The following RFTN2 variants were observed in gnomAD, a reference collection of about 807,000 sequenced individuals.
The protein encoded by RFTN2 is raftlin family member 2, also known as raftlin-2.
RFTN2 carries 34 observed loss-of-function variants against 52.7 expected under a neutral mutation model. The observed-to-expected ratio is 0.64, with a 90% CI of 0.49 to 0.86. The LOEUF is 0.86. Ranked by LOEUF, RFTN2 falls within the 40% of genes least tolerant of loss-of-function variation. The pLI, the probability that RFTN2 is intolerant of heterozygous loss-of-function variation, is 0.00. For missense variants in RFTN2, 536 were observed against 600.1 expected, an observed-to-expected ratio of 0.89 and a Z score of 1.12; for synonymous variants, 203 against 217.7, an observed-to-expected ratio of 0.93 and a Z score of 0.59.
intron 5 of RFTN2, among the ~76,000 whole-genome samples, chr2:197,618,685 G>A (rs1459561991): frequency 6.6e-6 from 1 of 151,250 alleles, no homozygotes; most frequent in African/African-American, 2.4e-5. Flanking sequence ...AGTGAGGAGC[G>A]TCTCTGCCCG....
Position 197,633,788 on chromosome 2 carries a change from A to T in RFTN2, c.648T>A (p.His216Gln). ...CCATTTGATACTGTCCACTTTCATG[A>T]TGAAGTTCTTCCTCAATTCCGCTTT... ...SSESGIEEEL[H>Q]HESGQYQMEQ... is the part of the protein sequence containing the mutation. Residue 216 changes from histidine to glutamine, a missense_variant, in exon 4 of 9, where the codon CAT (histidine) becomes CAA (glutamine). Physicochemically the swap from His to Gln is conservative, Grantham distance 24. Coordinates refer to ENST00000295049, the MANE Select transcript of RFTN2 (RefSeq NM_144629.3). 1 of 1,613,892 alleles carries T rather than the reference A, an allele frequency of 6.2e-7. No individual in the cohort carries two copies. Among genetic ancestry groups the T allele is most frequent in the African/African-American group, 1.3e-5 (1 of 75,046 alleles).
At chr2:197,618,844 G>A (rs1007408139) in intron 5 of RFTN2, among the ~76,000 whole-genome samples, 17 of 150,742 alleles carry the variant, frequency 1.1e-4, no homozygotes, top group African/African-American at 3.9e-4. Context: ...GAGCCCCTCC[G>A]CCCGGCAGCC....
chr2:197,636,078 T>C (rs1423749754), intron 3 of RFTN2, among the ~76,000 whole-genome samples: 1 of 151,412 alleles, frequency 6.6e-6, no homozygotes, highest in Non-Finnish European at 1.5e-5. Context: ...GAGGGCTCTG[T>C]TCTGTTCCAT....
At chr2:197,577,849 G>A (rs2087444024) in intron 8 of RFTN2, among the ~76,000 whole-genome samples, 1 of 152,178 alleles carries the variant, frequency 6.6e-6, no homozygotes, top group South Asian at 2.1e-4. Flanking sequence ...CTCCAGAGTA[G>A]CTGGGATTAC....
At position 197,637,417 on chromosome 2, in the gene RFTN2, C is replaced by G. The variant is rs1432525675; in HGVS notation, c.439-3420G>C. Among the ~76,000 whole-genome samples the G allele has an allele frequency of 2.0e-5, 3 of 151,294 alleles. No individual in the cohort carries two copies. The East Asian group carries it at 5.8e-4, about 29-fold the overall frequency. On this transcript the variant is annotated intron_variant, in intron 3 of 8. Transcript: ENST00000295049. ...CTATTGATTATTGCCACAATTTCAGCTCCTGTTATTGGTCTATTCAGAGAT... is the reference window on the plus strand; with the variant it reads ...CTATTGATTATTGCCACAATTTCAGGTCCTGTTATTGGTCTATTCAGAGAT...
At chr2:197,598,922 C>T (rs563280189) in intron 7 of RFTN2, among the ~76,000 whole-genome samples, 4 of 152,154 alleles carry the variant, frequency 2.6e-5, no homozygotes, top group South Asian at 4.1e-4. Context: ...TTTCTGGAAG[C>T]ATCCTTGATG....
intron 7 of RFTN2, among the ~76,000 whole-genome samples, chr2:197,608,140 G>A (rs1383276749): frequency 6.6e-6 from 1 of 152,132 alleles, no homozygotes; most frequent in Non-Finnish European, 1.5e-5. Flanking sequence ...TGAAGATTGA[G>A]ATTGAGATTG....
chr2:197,609,573 T>A (rs775568735), intron 7 of RFTN2, among the ~76,000 whole-genome samples: 20 of 152,174 alleles, frequency 1.3e-4, no homozygotes, highest in Non-Finnish European at 2.8e-4. Context: ...TTTCTCCCAA[T>A]CTGTAAGTTG....
chr2:197,586,077 G>A (rs1433716124), intron 8 of RFTN2, among the ~76,000 whole-genome samples: 4 of 152,166 alleles, frequency 2.6e-5, no homozygotes, highest in Non-Finnish European at 5.9e-5. Flanking sequence ...CCGTATTACA[G>A]ATAAGCCCTC....
intron 6 of RFTN2, among the ~76,000 whole-genome samples, chr2:197,616,572 G>A (rs1293985517): frequency 4.6e-5 from 7 of 152,044 alleles, no homozygotes; most frequent in African/African-American, 9.7e-5. Flanking sequence ...GGTTACAGAC[G>A]TGAGCCACTG....
chr2:197,631,679 G>T (rs1397256407), intron 4 of RFTN2, among the ~76,000 whole-genome samples: 1 of 152,090 alleles, frequency 6.6e-6, no homozygotes, highest in African/African-American at 2.4e-5. Context: ...CAATGTTCTA[G>T]TCTCCTTTTG....
chr2:197,581,146 T>C (rs2087501750), intron 8 of RFTN2, among the ~76,000 whole-genome samples: 1 of 152,168 alleles, frequency 6.6e-6, no homozygotes. Flanking sequence ...AGCCTGTTAT[T>C]GCTCACCTGC....
intron 8 of RFTN2, among the ~76,000 whole-genome samples, chr2:197,595,315 T>A (rs1480766911): frequency 2.0e-5 from 3 of 152,242 alleles, no homozygotes; most frequent in African/African-American, 7.2e-5. Flanking sequence ...TCCTCTTAGG[T>A]TCAGTAGCTG....
At chr2:197,590,581 C>G (rs1267390756) in intron 8 of RFTN2, among the ~76,000 whole-genome samples, 1 of 152,170 alleles carries the variant, frequency 6.6e-6, no homozygotes, top group Non-Finnish European at 1.5e-5. Context: ...TCACTGACCT[C>G]AAGAGTGAAG....
intron 1 of RFTN2, among the ~76,000 whole-genome samples, chr2:197,647,024 A>G (rs575026744): frequency 4.3e-4 from 65 of 152,302 alleles, no homozygotes; most frequent in African/African-American, 1.5e-3. Context: ...TAGTAGATAC[A>G]TAATATCACC....
In RFTN2 at chr2:197,633,734, T is replaced by C; in HGVS notation, c.702A>G (p.Lys234=). 1.2e-6 allele frequency: 2 copies of C among 1,613,244 alleles called. No homozygotes were observed. ...GTCTATTACCTTCTCCCTTTCTTGATTTAGAGGAAGTAGGGCTGCCATTTT... is the reference window on the plus strand; with the variant it reads ...GTCTATTACCTTCTCCCTTTCTTGACTTAGAGGAAGTAGGGCTGCCATTTT... ...MEQNGSPTSS[K]SRKGEASDNK... The change falls in exon 4 of 9, where the codon AAA becomes AAG. Residue 234 remains lysine, a synonymous_variant. Transcript: ENST00000295049.
chr2:197,580,931 C>T (rs2087496092), intron 8 of RFTN2, among the ~76,000 whole-genome samples: 2 of 152,184 alleles, frequency 1.3e-5, no homozygotes, highest in Admixed American at 6.5e-5. Context: ...ACCACAGCCA[C>T]ATCTCATTGC....
intron 5 of RFTN2, among the ~76,000 whole-genome samples, chr2:197,628,252 C>T (rs567635505): frequency 1.3e-5 from 2 of 152,278 alleles, no homozygotes; most frequent in Admixed American, 6.5e-5. Flanking sequence ...CATAGACTGA[C>T]GTGGCTTGTG....
At chr2:197,638,646 A>T (rs1197505527) in intron 3 of RFTN2, among the ~76,000 whole-genome samples, 2 of 148,622 alleles carry the variant, frequency 1.3e-5, no homozygotes, top group African/African-American at 5.0e-5. Flanking sequence ...TGCACGTGAG[A>T]TGTGTTTCCT....
Sources: allele counts gnomAD v4.1 joint callset (sites outside exome capture counted in the v4.1 genomes callset), GRCh38; gene constraint gnomAD v4.1.1; transcripts MANE v1.5; gene names NCBI Gene and HGNC (gene_info 2026-07-23, HGNC 2026-07-21).